DNAI2: variants seen among roughly 807,000 people sequenced by gnomAD.
DNAI2 encodes the protein dynein axonemal intermediate chain 2.
A neutral mutation model predicts 74.7 loss-of-function variants in DNAI2; 63 were observed. The observed-to-expected ratio is 0.84, with a 90% CI of 0.69 to 1.04. The LOEUF (loss-of-function observed/expected upper bound fraction) is 1.04. Ranked by LOEUF, DNAI2 falls within the 50% of genes least tolerant of loss-of-function variation. The pLI is 0.00. For missense variants in DNAI2, 688 were observed against 803.2 expected (o/e 0.86, Z 1.73); for synonymous variants, 289 against 314.9 (o/e 0.92, Z 0.87).
At chr17:74,306,221 A>G (rs1327252475) in intron 9 of DNAI2, among the ~76,000 whole-genome samples, 1 of 152,228 alleles carries the variant, frequency 6.6e-6, no homozygotes, top group Non-Finnish European at 1.5e-5. Context: ...GAGGAGAGCA[A>G]CAGACAGGGA....
rs973507425 is a variant in DNAI2 at position 74,300,093 on chromosome 17, C to T, written c.864+236C>T. ...CCTCCCAAGTAGCTGGGATTACAGGCGCCTGCCACTATGCCTGGTTAATTT... is the reference window on the plus strand; with the variant it reads ...CCTCCCAAGTAGCTGGGATTACAGGTGCCTGCCACTATGCCTGGTTAATTT... On this transcript the variant is annotated intron_variant, in intron 7 of 13. Transcript: ENST00000311014. This position sits in a 1 kb window ranked among gnomAD's most constrained non-coding sequence, Gnocchi z 4.5. Among the ~76,000 whole-genome samples, 24 of 152,176 alleles carry T rather than the reference C, an allele frequency of 1.6e-4. No individual in the cohort carries two copies. Among genetic ancestry groups the T allele is most frequent in the African/African-American group, 3.1e-4 (13 of 41,448 alleles).
In DNAI2 at chr17:74,279,794, G is replaced by T. The variant is rs28463022; in HGVS notation, c.-11-2013G>T. Among the ~76,000 whole-genome samples, 1,319 of 152,320 alleles carry T rather than the reference G, an allele frequency of 8.7e-3. 13 individuals are homozygous for T. The highest frequency in any genetic ancestry group is 0.03 in the African/African-American group (1,229 of 41,564). ...TCCACCGGCCTCGGCCACCCAAAGT[G>T]CTGGGATTATAGGCATGAGCCACAA... On this transcript the variant is annotated intron_variant, in intron 1 of 13. Transcript: ENST00000311014.
At chr17:74,301,507 G>A (rs2052763087) in intron 8 of DNAI2, among the ~76,000 whole-genome samples, 1 of 152,272 alleles carries the variant, frequency 6.6e-6, no homozygotes, top group Admixed American at 6.5e-5. Flanking sequence ...CGGGAGGCCT[G>A]GACTCCAACC....
At chr17:74,277,386 AAAAAAAAAAAAAAAAG>A (rs1311635998) in intron 1 of DNAI2, among the ~76,000 whole-genome samples, 5 of 2,356 alleles carry the variant, frequency 2.1e-3, no homozygotes, top group East Asian at 0.02. Flanking sequence ...ATCCATCTCA[AAAAAAAAAAAAAAAAG>A]AAAAAAGAAA....
intron 2 of DNAI2, among the ~76,000 whole-genome samples, chr17:74,284,036 G>A (rs1449193513): frequency 6.6e-6 from 1 of 151,854 alleles, no homozygotes; most frequent in East Asian, 1.9e-4. Flanking sequence ...TACTGGGGAG[G>A]CTGAAGCAGG....
chr17:74,277,304 G>A (rs1337315154), intron 1 of DNAI2, among the ~76,000 whole-genome samples: 2 of 150,028 alleles, frequency 1.3e-5, no homozygotes, highest in South Asian at 2.1e-4. Flanking sequence ...AGAATCGCTT[G>A]CACCCGGGAG....
At chr17:74,278,827 G>C (rs2051235103) in intron 1 of DNAI2, among the ~76,000 whole-genome samples, 1 of 152,086 alleles carries the variant, frequency 6.6e-6, no homozygotes, top group South Asian at 2.1e-4. Flanking sequence ...CTATTTGATA[G>C]GACAACAAGG....
Position 74,281,932 on chromosome 17 carries a change from G to C in DNAI2, c.115G>C (p.Glu39Gln), listed in dbSNP as rs148885547. 6.2e-7 allele frequency: 1 copy of C among 1,614,032 alleles called. No homozygotes were observed. Among genetic ancestry groups the C allele is most frequent in the African/African-American group, 1.3e-5 (1 of 74,934 alleles). The change falls in exon 2 of 14, where the codon GAG becomes CAG. Residue 39 changes from glutamate (E) to glutamine (Q), a missense_variant. Physicochemically the swap from Glu to Gln is conservative, Grantham distance 29 (BLOSUM62 2). Transcript: ENST00000311014. ...IDIMPNPELA[E>Q]QFVERNPVDT... The stretch of plus-strand genomic sequence containing the variant: ...CATCATGCCCAACCCTGAGCTGGCC[G>C]AGCAGTTCGTGGAGCGGAACCCAGT...
chr17:74,312,634 G>A (rs1233329219), intron 12 of DNAI2, among the ~76,000 whole-genome samples: 1 of 152,212 alleles, frequency 6.6e-6, no homozygotes, highest in Non-Finnish European at 1.5e-5. Context: ...CATTAGCGGT[G>A]TGCACGTCAT....
chr17:74,281,885 G>A lies in DNAI2; in HGVS notation c.68G>A (p.Arg23His), dbSNP rs755972641. Reference sequence around the variant, plus strand: ...GGGAAGCAGTGCAATTTCTCGGACCGCCAGGCCGAGCTGAACATCGACATC... The same window carrying A: ...GGGAAGCAGTGCAATTTCTCGGACCACCAGGCCGAGCTGAACATCGACATC... ...EFGKQCNFSD[R>H]QAELNIDIMP... is the part of the protein sequence containing the mutation. The change falls in exon 2 of 14, where the codon CGC becomes CAC. Residue 23 changes from arginine (R) to histidine (H), a missense_variant. Physicochemically the swap from Arg to His is conservative, Grantham distance 29 (BLOSUM62 0). Transcript: ENST00000311014. 1.4e-5 allele frequency: 22 copies of A among 1,614,118 alleles called. No individual in the cohort carries two copies. In the South Asian group the frequency reaches 2.0e-4, roughly 14 times the overall value.
chr17:74,309,358 C>G lies in DNAI2; in HGVS notation c.1317C>G (p.Phe439Leu), dbSNP rs199524166. 1 of 1,614,124 alleles carries G rather than the reference C, an allele frequency of 6.2e-7. No individual in the cohort carries two copies. The highest frequency in any genetic ancestry group is 8.5e-7 in the Non-Finnish European group (1 of 1,180,032). Residue 439 changes from phenylalanine (F) to leucine (L), a missense_variant, in exon 10 of 14, where the codon TTC becomes TTG. Physicochemically the swap from Phe to Leu is conservative, Grantham distance 22 (BLOSUM62 0). Coordinates refer to ENST00000311014, the MANE Select transcript of DNAI2 (RefSeq NM_023036.6). ...DGTLDIWDFM[F>L]EQCDPTLSLK... ...CCCTGGATATCTGGGACTTCATGTTCGAGCAGTGCGATCCCACCCTCAGCT... is the reference window on the plus strand; with the variant it reads ...CCCTGGATATCTGGGACTTCATGTTGGAGCAGTGCGATCCCACCCTCAGCT...
chr17:74,305,074 A>T, intron 8 of DNAI2, 145 bp from the exon 9 acceptor site: 1 of 804,844 alleles, frequency 1.2e-6, no homozygotes, highest in Non-Finnish European at 2.1e-6. Flanking sequence ...ACTGCTCTCC[A>T]GGAGGGGCCA....
At chr17:74,285,338 C>T in intron 3 of DNAI2, 137 bp downstream of exon 3, 1 of 1,111,442 alleles carries the variant, frequency 9.0e-7, no homozygotes, top group African/African-American at 1.5e-5. Context: ...CAGCTGCTAC[C>T]TCAAGGAGCC....
At chr17:74,280,325 G>T (rs1167382801) in intron 1 of DNAI2, among the ~76,000 whole-genome samples, 1 of 152,228 alleles carries the variant, frequency 6.6e-6, no homozygotes, top group South Asian at 2.1e-4. Context: ...GGTGTGTCAG[G>T]TCTCAGAAAG....
intron 1 of DNAI2, among the ~76,000 whole-genome samples, chr17:74,278,963 C>T (rs556023419): frequency 4.6e-5 from 7 of 152,222 alleles, no homozygotes; most frequent in Non-Finnish European, 5.9e-5. Flanking sequence ...GTCAGGAGAT[C>T]GAGACCATCC....
At chr17:74,307,066 G>A in intron 9 of DNAI2, 1 of 322,866 alleles carries the variant, frequency 3.1e-6, no homozygotes, top group South Asian at 2.3e-5. Flanking sequence ...CAGAAACCTG[G>A]TTCGATGTCC....
chr17:74,313,442 G>A (rs949193514), intron 12 of DNAI2, among the ~76,000 whole-genome samples: 1 of 152,110 alleles, frequency 6.6e-6, no homozygotes. Flanking sequence ...GGATTCTGAC[G>A]CCTAATCCAG....
intron 8 of DNAI2, among the ~76,000 whole-genome samples, chr17:74,304,186 CTTTTTTTTTTTTTTTTT>C (rs56696514): frequency 1.5e-5 from 1 of 67,632 alleles, no homozygotes; most frequent in Admixed American, 2.0e-4. Context: ...TTTCTTTTTT[CTTTTTTTTTTTTTTTTT>C]TTTTTTTTTG....
chr17:74,314,461 G>A, intron 13 of DNAI2, 128 bp from the exon 14 acceptor site: 1 of 689,350 alleles, frequency 1.5e-6, no homozygotes, highest in Non-Finnish European at 2.3e-6. Context: ...GGAGCTGGCT[G>A]CCCCATTGTC....
Sources: gnomAD v4.1 joint callset for allele counts (sites outside exome capture counted in the v4.1 genomes callset) on GRCh38, gnomAD v4.1.1 for gene constraint, Gnocchi (gnomAD v3.1) non-coding constraint, MANE v1.5 for transcripts, NCBI Gene and HGNC (gene_info 2026-07-23, HGNC 2026-07-21) for gene names.